POC1B: variants seen among roughly 807,000 people sequenced by gnomAD.
POC1B encodes POC1 centriolar protein B, also known as POC1 centriolar protein homolog B.
POC1B carries 44 observed loss-of-function variants against 60.6 expected under a neutral mutation model. The observed-to-expected ratio is 0.73, with a 90% CI of 0.57 to 0.93. The LOEUF is 0.93. POC1B is among the 40% of genes least tolerant of loss of function. POC1B has a pLI of 0.00. For synonymous variants in POC1B, 180 were observed against 198.9 expected (o/e 0.90, Z 0.80); for missense variants, 555 against 572.3 (o/e 0.97, Z 0.31).
chr12:89,414,420 C>G, the POC1B span, among the ~76,000 whole-genome samples: 1 of 152,198 alleles, frequency 6.6e-6, no homozygotes, highest in East Asian at 1.9e-4. Flanking sequence ...CCCATGCTTC[C>G]CATTAACCTC....
intron 9 of POC1B, among the ~76,000 whole-genome samples, chr12:89,466,299 ATAT>A (rs1299786079): frequency 6.6e-6 from 1 of 152,208 alleles, no homozygotes; most frequent in Non-Finnish European, 1.5e-5. Flanking sequence ...TATATGCAAA[ATAT>A]ATTCAGGCAA....
At chr12:89,416,629 G>T (rs2120616299), downstream of POC1B, among the ~76,000 whole-genome samples, 1 of 152,326 alleles carries the variant, frequency 6.6e-6, no homozygotes, top group East Asian at 1.9e-4. Context: ...ACAATATGGA[G>T]TAGTGTATGT....
chr12:89,431,372 A>G (rs1254894125), intron 10 of POC1B, among the ~76,000 whole-genome samples: 11 of 152,066 alleles, frequency 7.2e-5, no homozygotes, highest in African/African-American at 2.7e-4. Context: ...CAAATCAGGA[A>G]ATTCAATTGA....
intron 3 of POC1B, 119 bp downstream of exon 3, chr12:89,497,052 T>C: frequency 1.0e-6 from 1 of 1,001,344 alleles, no homozygotes; most frequent in Non-Finnish European, 1.4e-6. Flanking sequence ...AAGGGCAGCA[T>C]GCCTTTTATG....
intron 11 of POC1B, among the ~76,000 whole-genome samples, chr12:89,424,778 G>C (rs1436024367): frequency 6.6e-6 from 1 of 152,190 alleles, no homozygotes; most frequent in South Asian, 2.1e-4. Flanking sequence ...GAAGATCACT[G>C]CATCAAGGTA....
At chr12:89,409,755 G>A in the POC1B span, among the ~76,000 whole-genome samples, 1 of 152,182 alleles carries the variant, frequency 6.6e-6, no homozygotes, top group Admixed American at 6.5e-5. Flanking sequence ...ATTAAACCAT[G>A]AAGAAGTCGA....
chr12:89,455,343 GAAAAGAA>G, intron 10 of POC1B, among the ~76,000 whole-genome samples: 1 of 151,794 alleles, frequency 6.6e-6, no homozygotes, highest in Admixed American at 6.6e-5. Context: ...TCTCAAAAAA[GAAAAGAA>G]AAAAGAAAAA....
rs1340552069 is a variant in POC1B, at chr12:89,487,894, C to A, written c.452+4042G>T. Among the ~76,000 whole-genome samples the A allele has an allele frequency of 2.6e-5, 4 of 151,918 alleles. No homozygotes were observed. In the East Asian group the frequency reaches 7.8e-4, roughly 29 times the overall value. The stretch of plus-strand genomic sequence containing the variant: ...CACTTATTTATTACTCCCTTATCAT[C>A]TTTTGTGCCACTTTTTCCCTTAGGA... On this transcript the variant is annotated intron_variant, in intron 4 of 11. Coordinates refer to ENST00000313546, the MANE Select transcript of POC1B (RefSeq NM_172240.3).
At chr12:89,493,066 T>C (rs1464775196) in intron 3 of POC1B, among the ~76,000 whole-genome samples, 1 of 152,114 alleles carries the variant, frequency 6.6e-6, no homozygotes. Flanking sequence ...AGTACTTTGG[T>C]GAGGTATCCT....
chr12:89,445,776 A>G (rs1229397312), intron 10 of POC1B, among the ~76,000 whole-genome samples: 19 of 151,490 alleles, frequency 1.3e-4, no homozygotes, highest in Non-Finnish European at 2.4e-4. Flanking sequence ...TTAAACTAAA[A>G]AGCTTCTGCA....
chr12:89,479,553 T>TATATTTG (rs1179774142), intron 4 of POC1B, among the ~76,000 whole-genome samples: 1 of 151,712 alleles, frequency 6.6e-6, no homozygotes, highest in Non-Finnish European at 1.5e-5. Flanking sequence ...GTATACCTTA[T>TATATTTG]TTATTTAAAT....
intron 10 of POC1B, among the ~76,000 whole-genome samples, chr12:89,447,533 G>A (rs974176181): frequency 1.3e-5 from 2 of 151,992 alleles, no homozygotes; most frequent in African/African-American, 4.8e-5. Flanking sequence ...ATTTTCCAAA[G>A]CATACAATTG....
chr12:89,425,360 C>T lies in POC1B; in HGVS notation c.1133G>A (p.Arg378Lys), dbSNP rs1880720671. The T allele has an allele frequency of 6.2e-7, 1 of 1,613,728 alleles. No homozygotes were observed. Among genetic ancestry groups the T allele is most frequent in the African/African-American group, 1.3e-5 (1 of 74,872 alleles). The change falls in exon 11 of 12, where the codon AGG becomes AAG. Residue 378 changes from arginine (R) to lysine (K), a missense_variant. Arg to Lys is a conservative substitution (Grantham distance 26). Coordinates refer to ENST00000313546, the MANE Select transcript of POC1B (RefSeq NM_172240.3). The stretch of plus-strand genomic sequence containing the variant: ...CTCTTCACCCTTGTCTGGCAGAGTC[C>T]TACCACTGGTTTCTGTTGTCTTTAA... ...DSTTTTETSG[R>K]TLPDKGEEAC...
intron 2 of POC1B, among the ~76,000 whole-genome samples, chr12:89,512,897 A>G (rs907779005): frequency 3.9e-5 from 6 of 152,234 alleles, no homozygotes; most frequent in African/African-American, 1.2e-4. Context: ...ACCCAGTTTT[A>G]TAAGATTCCA....
chr12:89,407,381 TG>T, the POC1B span, among the ~76,000 whole-genome samples: 1 of 151,600 alleles, frequency 6.6e-6, no homozygotes, highest in Non-Finnish European at 1.5e-5. Context: ...TATAGGTGCC[TG>T]ACACCATGCC....
intron 4 of POC1B, among the ~76,000 whole-genome samples, chr12:89,477,464 T>C (rs1883168567): frequency 6.6e-6 from 1 of 152,124 alleles, no homozygotes; most frequent in South Asian, 2.1e-4. Flanking sequence ...CTTTTGGATA[T>C]CCTGCAGGAA....
chr12:89,466,974 A>G (rs1388339108), intron 8 of POC1B, 52 bp from the exon 9 acceptor site: 2 of 1,511,934 alleles, frequency 1.3e-6, no homozygotes, highest in East Asian at 4.6e-5. Flanking sequence ...TGTACAAGCA[A>G]TAGAGCTGAT....
At position 89,494,663 on chromosome 12, in the gene POC1B, G is replaced by C. The variant is rs549001817; in HGVS notation, c.272+2508C>G. On this transcript the variant is annotated intron_variant, in intron 3 of 11. Coordinates refer to ENST00000313546, the MANE Select transcript of POC1B (RefSeq NM_172240.3). ...CTGAGGAACAGAACGTGGCAGAAGT[G>C]ACACTGCAAGTTTTGGGCCTAGTTC... Among the ~76,000 whole-genome samples, 422 of 152,296 alleles carry C rather than the reference G, an allele frequency of 2.8e-3. 2 individuals carry two copies. The highest frequency in any genetic ancestry group is 9.7e-3 in the African/African-American group (404 of 41,562).
At chr12:89,448,276 T>C (rs10858862) in intron 10 of POC1B, among the ~76,000 whole-genome samples, 29,196 of 151,982 alleles carry the variant, frequency 0.19, 3,235 homozygotes, top group South Asian at 0.36. Context: ...CTCATCTCCA[T>C]TTTAAAAAAC....
Sources: allele counts gnomAD v4.1 joint callset (sites outside exome capture counted in the v4.1 genomes callset), GRCh38; gene constraint gnomAD v4.1.1; transcripts MANE v1.5; gene names NCBI Gene and HGNC (gene_info 2026-07-23, HGNC 2026-07-21).